RUNX1T1: variants seen among roughly 807,000 people sequenced by gnomAD.
RUNX1T1 encodes the protein protein CBFA2T1.
RUNX1T1 carries 4 observed loss-of-function variants against 62.8 expected under a neutral mutation model. That is an observed-to-expected ratio of 0.06 (90% CI 0.03 to 0.15). The LOEUF (loss-of-function observed/expected upper bound fraction) is 0.15, where lower values mean the gene tolerates loss of function less well. Among genes scored for constraint, RUNX1T1 ranks in the 10% least tolerant of loss-of-function variants. The pLI is 1.00. For synonymous variants in RUNX1T1, 291 were observed against 286.0 expected (o/e 1.02, Z -0.18); for missense variants, 508 against 754.3 (o/e 0.67, Z 3.82).
intron 1 of RUNX1T1, among the ~76,000 whole-genome samples, chr8:92,030,778 A>G (rs1002796925): frequency 1.3e-5 from 2 of 152,142 alleles, no homozygotes; most frequent in Admixed American, 1.3e-4. Context: ...CTAGGAGTGC[A>G]ATGGAATTCT....
At chr8:91,956,636 C>A (rs1476343642), downstream of RUNX1T1, 11 of 224,660 alleles carry the variant, frequency 4.9e-5, no homozygotes, top group Non-Finnish European at 9.8e-5. Flanking sequence ...ACAGTTCAGA[C>A]ATAGTAGACT....
At chr8:92,093,220 G>T (rs1837298717) in intron 1 of RUNX1T1, among the ~76,000 whole-genome samples, 1 of 152,002 alleles carries the variant, frequency 6.6e-6, no homozygotes, top group African/African-American at 2.4e-5. Context: ...CCTACTTGAT[G>T]GCAACAATTG....
At chr8:92,017,613 C>T in intron 1 of RUNX1T1, 1 of 1,357,640 alleles carries the variant, frequency 7.4e-7, no homozygotes, top group East Asian at 3.0e-5. Flanking sequence ...CTGGCTTAGG[C>T]AGATGCTACC....
rs544158577 is a variant in RUNX1T1, at chr8:92,076,024, C to G, written c.29G>C (p.Arg10Thr). The G allele has an allele frequency of 1.7e-5, 28 of 1,611,136 alleles. No homozygotes were observed. In the East Asian group the frequency reaches 6.0e-4, roughly 35 times the overall value. The change falls in exon 2 of 12, where the codon AGA becomes ACA. Residue 10 changes from arginine (R) to threonine (T), a missense_variant. Arg to Thr is a moderately conservative substitution (Grantham distance 71, BLOSUM62 -1). Transcript: ENST00000265814. ...GTCACCTATTACTAAACTCAGTGCT[C>G]TCCAAGTGTTTCTTTTGACAGATAT...
intron 1 of RUNX1T1, among the ~76,000 whole-genome samples, chr8:92,092,064 A>C (rs1192430580): frequency 6.6e-6 from 1 of 152,142 alleles, no homozygotes; most frequent in Non-Finnish European, 1.5e-5. Flanking sequence ...CAGACAAATT[A>C]CTATAGCCAC....
At chr8:92,033,152 C>T (rs1826575703) in intron 1 of RUNX1T1, among the ~76,000 whole-genome samples, 1 of 152,040 alleles carries the variant, frequency 6.6e-6, no homozygotes, top group Admixed American at 6.6e-5. Context: ...TAAATAATAT[C>T]AAGTATACAA....
chr8:91,956,695 C>G (rs1809440611), downstream of RUNX1T1: 1 of 225,514 alleles, frequency 4.4e-6, no homozygotes, highest in Non-Finnish European at 8.8e-6. Context: ...AGACCCCACC[C>G]CCCAGTGTTA....
intron 1 of RUNX1T1, among the ~76,000 whole-genome samples, chr8:92,079,346 C>T (rs1314951552): frequency 6.6e-6 from 1 of 152,176 alleles, no homozygotes; most frequent in East Asian, 1.9e-4. Flanking sequence ...GCATATCTGA[C>T]TTAGGAAATA....
rs749787366 is a variant in RUNX1T1 at position 91,959,466 on chromosome 8, G to GTGTGTGTGTGTA, written c.*775_*776insTACACACACACA. Reference sequence around the variant, plus strand: ...TGTGTGTGTGTGTGTGTGTGTGTGTGTATATGTGCGTGTGTGTGTGTGTAT... The same window carrying GTGTGTGTGTGTA: ...TGTGTGTGTGTGTGTGTGTGTGTGTGTGTGTGTGTGTATATATGTGCGTGTGTGTGTGTGTAT... On this transcript the variant is annotated 3_prime_UTR_variant, in exon 11 of 11. Coordinates refer to ENST00000396218, the Ensembl canonical transcript of RUNX1T1. The GTGTGTGTGTGTA allele has an allele frequency of 1.4e-4, 12 of 88,596 alleles. 1 individual carries two copies. The highest frequency in any genetic ancestry group is 7.5e-4 in the African/African-American group (12 of 16,006). 5.5% of individuals were successfully genotyped at this position (88,596 alleles called of 1,614,324 possible). A position where few individuals can be genotyped will look rare whatever the true frequency, so the allele number is the denominator to read the frequency against.
At chr8:91,982,919 T>C (rs937514306) in intron 8 of RUNX1T1, among the ~76,000 whole-genome samples, 1 of 3,262 alleles carries the variant, frequency 3.1e-4, no homozygotes, top group Non-Finnish European at 7.8e-4. Context: ...AGGAAAATAC[T>C]TTTTTTTTTT....
chr8:91,967,532 C>T (rs1352889117), intron 10 of RUNX1T1, among the ~76,000 whole-genome samples: 1 of 152,076 alleles, frequency 6.6e-6, no homozygotes, highest in African/African-American at 2.4e-5. Flanking sequence ...TTTTTCTAAG[C>T]AGAATGAGCA....
intron 5 of RUNX1T1, chr8:92,003,362 A>G (rs772613161): frequency 6.6e-6 from 3 of 456,166 alleles, no homozygotes; most frequent in Non-Finnish European, 1.3e-5. Context: ...ATACTGGGAA[A>G]GAGCTGGTGG....
intron 1 of RUNX1T1, among the ~76,000 whole-genome samples, chr8:92,085,245 G>T (rs959045772): frequency 1.3e-5 from 2 of 152,182 alleles, no homozygotes; most frequent in African/African-American, 2.4e-5. Context: ...CAGTCAACCT[G>T]GGCGACACAG....
chr8:91,958,644 A>AC (rs1480748268), downstream of RUNX1T1: 4 of 178,802 alleles, frequency 2.2e-5, no homozygotes, highest in African/African-American at 9.5e-5. Flanking sequence ...GATTTAAAAA[A>AC]AAAAAAAAGA....
In RUNX1T1 at chr8:91,974,988, T is replaced by C. The variant is rs1813609877; in HGVS notation, c.1267+917A>G. 2.6e-5 allele frequency among the ~76,000 whole-genome samples: 4 copies of C among 152,320 alleles called. No homozygotes were observed. In the South Asian group the frequency reaches 8.3e-4, roughly 32 times the overall value. ...CTTCTGTAGAAAAAAACAAAAAATC[T>C]GTCCCCTGACTCTTCAATTTGCACT... On this transcript the variant is annotated intron_variant, in intron 9 of 10. Transcript: ENST00000396218.
At chr8:91,985,650 T>C (rs1816402070) in intron 8 of RUNX1T1, among the ~76,000 whole-genome samples, 1 of 152,094 alleles carries the variant, frequency 6.6e-6, no homozygotes, top group African/African-American at 2.4e-5. Context: ...TAAATATATA[T>C]ATATATGATT....
chr8:91,996,190 ATTT>A (rs1361081512), intron 5 of RUNX1T1, among the ~76,000 whole-genome samples: 2 of 148,846 alleles, frequency 1.3e-5, no homozygotes, highest in African/African-American at 5.2e-5. Context: ...TTTGTTTTTT[ATTT>A]TTTTTATTTT....
chr8:92,050,573 T>C (rs1035421509), intron 1 of RUNX1T1, among the ~76,000 whole-genome samples: 2 of 152,186 alleles, frequency 1.3e-5, no homozygotes, highest in East Asian at 1.9e-4. Context: ...GCTAAATAAC[T>C]GGTTAAATAA....
chr8:92,062,865 C>G (rs549399880), exon 1 of RUNX1T1: 125 of 1,390,552 alleles, frequency 9.0e-5, no homozygotes, highest in Admixed American at 2.7e-4. Context: ...CAACCCCTAC[C>G]CTCCCCTTAG....
Sources: gnomAD v4.1 joint callset for allele counts (sites outside exome capture counted in the v4.1 genomes callset) on GRCh38, gnomAD v4.1.1 for gene constraint, MANE v1.5 for transcripts, NCBI Gene and HGNC (gene_info 2026-07-23, HGNC 2026-07-21) for gene names.